The following PRICKLE3 variants were observed in gnomAD, a reference collection of about 807,000 sequenced individuals.
PRICKLE3 encodes the protein prickle planar cell polarity protein 3.
In PRICKLE3, 17 loss-of-function variants were observed where a neutral mutation model predicts 33.8. That is an observed-to-expected ratio of 0.50 (90% CI 0.34 to 0.75). The LOEUF (loss-of-function observed/expected upper bound fraction) is 0.75. Among genes scored for constraint, PRICKLE3 ranks in the 30% least tolerant of loss-of-function variants. PRICKLE3 has a pLI of 0.01. For missense variants in PRICKLE3, 573 were observed against 576.7 expected, an observed-to-expected ratio of 0.99 and a Z score of 0.07; for synonymous variants, 211 against 219.6, an observed-to-expected ratio of 0.96 and a Z score of 0.34.
In PRICKLE3 at chrX:49,177,194, G is replaced by A. The variant is rs1557100264; in HGVS notation, c.964C>T (p.Gln322Ter). Residue 322 changes from glutamine (Q) to a stop codon, truncating the protein, a stop_gained, in exon 8 of 9, where the codon CAA becomes TAA. Transcript: ENST00000599218. LOFTEE classifies it high-confidence loss of function. ...DGCGEHIGLD[Q>*]GQMAYEGQHW... is the part of the protein sequence containing the mutation. ...TGGCCCTCGTAAGCCATCTGGCCTT[G>A]GTCCAGGCCTGTGGGGAACGACGAG... is the stretch of plus-strand genomic sequence containing the variant. 1.7e-6 allele frequency: 2 copies of A among 1,164,886 alleles called. No homozygotes were observed. The highest frequency in any genetic ancestry group is 2.3e-6 in the Non-Finnish European group (2 of 875,894).
chrX:49,176,158 C>G lies in PRICKLE3; in HGVS notation c.1363G>C (p.Gly455Arg), dbSNP rs782030265. 8.4e-7 allele frequency: 1 copy of G among 1,194,844 alleles called. No homozygotes were observed. The highest frequency in any genetic ancestry group is 2.2e-5 in the Admixed American group (1 of 44,733). The change falls in exon 9 of 9, where the codon GGC (glycine) becomes CGC (arginine). Residue 455 changes from glycine (G) to arginine (R), a missense_variant. Coordinates refer to ENST00000599218, the MANE Select transcript of PRICKLE3 (RefSeq NM_006150.5). ...SVPEPPPESP[G>R]QPNLRPDDSA... ...TCATCTGGGCGCAGGTTAGGCTGGC[C>G]GGGGGACTCTGGGGGCGGCTCGGGG...
intron 7 of PRICKLE3, 123 bp downstream of exon 7, chrX:49,177,870 G>T: frequency 1.2e-6 from 1 of 804,500 alleles, no homozygotes; most frequent in Non-Finnish European, 1.7e-6. Context: ...TAGTGTTGGG[G>T]CTGGACAAAG....
chrX:49,175,038 G>A lies in PRICKLE3; in HGVS notation c.*635C>T, dbSNP rs1218850543. 5.3e-6 allele frequency: 2 copies of A among 374,936 alleles called. No individual in the cohort carries two copies. The highest frequency in any genetic ancestry group is 9.3e-6 in the Non-Finnish European group (2 of 215,157). The allele number at this position is 374,936 out of a possible 1,213,427, so 30.9% of individuals were successfully genotyped here. On this transcript the variant is annotated 3_prime_UTR_variant, in exon 9 of 9. Coordinates refer to ENST00000599218, the MANE Select transcript of PRICKLE3 (RefSeq NM_006150.5). ...CCACTCCAAATAATCTCCTCGGTGT[G>A]GGTGGTGGTTCTATAGAGGGATAAA...
intron 2 of PRICKLE3, among the ~76,000 whole-genome samples, chrX:49,184,226 T>C (rs1466105519): frequency 4.5e-5 from 5 of 109,926 alleles, no homozygotes; most frequent in African/African-American, 1.7e-4. Flanking sequence ...GGGTAGGGCC[T>C]GAGTCTGGGG....
intron 3 of PRICKLE3, 88 bp downstream of exon 3, chrX:49,183,646 T>C: frequency 1.7e-6 from 2 of 1,163,662 alleles, no homozygotes; most frequent in Non-Finnish European, 2.3e-6. Flanking sequence ...GCCCCAGAAA[T>C]AGGTTCCCAC....
Position 49,175,681 on chromosome X carries a change from C to G in PRICKLE3, c.1840G>C (p.Val614Leu). ...PRQARDKNCI[V>L]A is the part of the protein sequence containing the mutation. ...TCCAGGACGGCCTGCCTTCAAGCCACGATGCAGTTCTTGTCTCGGGCCTGA... is the reference window on the plus strand; with the variant it reads ...TCCAGGACGGCCTGCCTTCAAGCCAGGATGCAGTTCTTGTCTCGGGCCTGA... Residue 614 changes from valine to leucine, a missense_variant, in exon 9 of 9, where the codon GTG becomes CTG. Coordinates refer to ENST00000599218, the MANE Select transcript of PRICKLE3 (RefSeq NM_006150.5). The G allele has an allele frequency of 8.3e-7, 1 of 1,208,452 alleles. No individual in the cohort carries two copies. The highest frequency in any genetic ancestry group is 1.1e-6 in the Non-Finnish European group (1 of 893,217).
Position 49,186,326 on chromosome X carries a change from C to A in PRICKLE3, c.-29G>T. On this transcript the variant is annotated 5_prime_UTR_variant, in exon 1 of 9. Transcript: ENST00000599218. Reference sequence around the variant, plus strand: ...GCGCCCGGGCAGGGTCAAGCCGGGCCGGGTCAGGCGAATGTAATCCTTGCG... The same window carrying A: ...GCGCCCGGGCAGGGTCAAGCCGGGCAGGGTCAGGCGAATGTAATCCTTGCG... The A allele has an allele frequency of 9.0e-7, 1 of 1,112,442 alleles. No homozygotes were observed. The highest frequency in any genetic ancestry group is 3.6e-5 in the East Asian group (1 of 28,003). The allele number at this position is 1,112,442 out of a possible 1,213,427, so 91.7% of individuals were successfully genotyped here. A position where few individuals can be genotyped will look rare whatever the true frequency, so the allele number is the denominator to read the frequency against.
chrX:49,183,975 C>T, intron 2 of PRICKLE3, 58 bp from the exon 3 acceptor site: 2 of 1,151,659 alleles, frequency 1.7e-6, no homozygotes, highest in Non-Finnish European at 2.3e-6. Context: ...AACCCCTCGG[C>T]AGCCCAGGTC....
Position 49,175,983 on chromosome X carries a change from T to C in PRICKLE3, c.1538A>G (p.His513Arg), listed in dbSNP as rs1230486950. 4 of 1,208,097 alleles carry C rather than the reference T, an allele frequency of 3.3e-6. No homozygotes were observed. The highest frequency in any genetic ancestry group is 3.4e-6 in the Non-Finnish European group (3 of 894,738). Reference protein sequence around the residue: ...PPPRAPSRRRHHHHNHHHHHN... With the variant: ...PPPRAPSRRRRHHHNHHHHHN... ...ATGGTGATGGTGATTATGATGATGGTGGCGGCGACGGCTGGGGGCCCTGGG... is the reference window on the plus strand; with the variant it reads ...ATGGTGATGGTGATTATGATGATGGCGGCGGCGACGGCTGGGGGCCCTGGG... The change falls in exon 9 of 9, where the codon CAC becomes CGC. Residue 513 changes from histidine (H) to arginine (R), a missense_variant. His to Arg is a conservative substitution (Grantham distance 29). Coordinates refer to ENST00000599218, the MANE Select transcript of PRICKLE3 (RefSeq NM_006150.5).
At position 49,175,881 on chromosome X, in the gene PRICKLE3, C is replaced by A; in HGVS notation, c.1640G>T (p.Ser547Ile). The part of the protein sequence containing the change: ...GSGSDSESCS[S>I]SPSSSSSESS... ...TTCGGAACTGGAACTGGAGGGCGAG[C>A]TGGAGCAAGATTCCGAGTCTGACCC... is the stretch of plus-strand genomic sequence containing the variant. The change falls in exon 9 of 9, where the codon AGC (serine) becomes ATC (isoleucine). Residue 547 changes from serine (S) to isoleucine (I), a missense_variant. Physicochemically the swap from Ser to Ile is moderately radical, Grantham distance 142. Transcript: ENST00000599218. The A allele has an allele frequency of 8.3e-7, 1 of 1,211,967 alleles. No homozygotes were observed. Among genetic ancestry groups the A allele is most frequent in the Non-Finnish European group, 1.1e-6 (1 of 895,560 alleles).
intron 5 of PRICKLE3, among the ~76,000 whole-genome samples, chrX:49,178,713 G>A (rs1268662243): frequency 8.9e-6 from 1 of 112,502 alleles, no homozygotes; most frequent in Non-Finnish European, 1.9e-5. Flanking sequence ...TACCCATGGT[G>A]GGTGGCCTTA....
At chrX:49,185,008 C>T in intron 1 of PRICKLE3, 1 of 672,669 alleles carries the variant, frequency 1.5e-6, no homozygotes, top group Non-Finnish European at 2.1e-6. Flanking sequence ...CTCCCACCAG[C>T]CTTAGATCCT....
rs1557099859 is a variant in PRICKLE3, at chrX:49,175,918, C to G, written c.1603G>C (p.Asp535His). Residue 535 changes from aspartate to histidine, a missense_variant, in exon 9 of 9, where the codon GAC (aspartate) becomes CAC (histidine). By Grantham distance (81) the Asp-to-His change is moderately conservative (BLOSUM62 -1). Transcript: ENST00000599218. ...TCCGAGTCTGACCCTGATCCCGCGT[C>G]ACATTGATAGTGGCGACGTCTGCTT... is the stretch of plus-strand genomic sequence containing the variant. The part of the protein sequence containing the change: ...HPSRRRHYQC[D>H]AGSGSDSESC... 1 of 1,211,288 alleles carries G rather than the reference C, an allele frequency of 8.3e-7. No homozygotes were observed. The highest frequency in any genetic ancestry group is 2.2e-5 in the Admixed American group (1 of 45,993).
intron 5 of PRICKLE3, 28 bp from the exon 6 acceptor site, chrX:49,178,503 T>C: frequency 8.5e-7 from 1 of 1,181,493 alleles, no homozygotes; most frequent in Non-Finnish European, 1.1e-6. Context: ...CCAAGATGGT[T>C]ACCATCACTG....
In PRICKLE3 at chrX:49,175,699, G is replaced by C. The variant is rs373534219; in HGVS notation, c.1822C>G (p.Arg608Gly). The C allele has an allele frequency of 5.4e-5, 65 of 1,209,476 alleles. No homozygotes were observed. Among genetic ancestry groups the C allele is most frequent in the African/African-American group, 5.2e-4 (30 of 57,215 alleles). Residue 608 changes from arginine to glycine, a missense_variant, in exon 9 of 9, where the codon CGA becomes GGA. Physicochemically the swap from Arg to Gly is moderately radical, Grantham distance 125. Coordinates refer to ENST00000599218, the MANE Select transcript of PRICKLE3 (RefSeq NM_006150.5). The part of the protein sequence containing the change: ...DSRAGMPRQA[R>G]DKNCIVA Reference sequence around the variant, plus strand: ...CAAGCCACGATGCAGTTCTTGTCTCGGGCCTGACGAGGCATCCCTGCGCGA... The same window carrying C: ...CAAGCCACGATGCAGTTCTTGTCTCCGGCCTGACGAGGCATCCCTGCGCGA...
intron 3 of PRICKLE3, among the ~76,000 whole-genome samples, chrX:49,180,484 T>C (rs1311608252): frequency 9.0e-6 from 1 of 111,362 alleles, no homozygotes; most frequent in Non-Finnish European, 1.9e-5. Context: ...GTCAAGGTCA[T>C]CCATGACTTC....
chrX:49,184,881 A>G (rs781896615), intron 1 of PRICKLE3, 171 bp from the exon 2 acceptor site: 2 of 1,142,484 alleles, frequency 1.8e-6, no homozygotes, highest in South Asian at 4.0e-5. Context: ...AGCGGGACAC[A>G]ACCGAGGCAG....
chrX:49,179,115 C>T, intron 5 of PRICKLE3, 136 bp downstream of exon 5: 2 of 872,299 alleles, frequency 2.3e-6, no homozygotes, highest in South Asian at 5.4e-5. Context: ...ACCCCGCCCA[C>T]AAGAGGGGAC....
Position 49,175,961 on chromosome X carries a change from G to T in PRICKLE3, c.1560C>A (p.His520Gln). Reference protein sequence around the residue: ...RRRHHHHNHHHHHNRHPSRRR... With the variant: ...RRRHHHHNHHQHHNRHPSRRR... The stretch of plus-strand genomic sequence containing the variant: ...GTCTGCTTGGGTGGCGGTTGTGATG[G>T]TGATGGTGATTATGATGATGGTGGC... Residue 520 changes from histidine to glutamine, a missense_variant, in exon 9 of 9, where the codon CAC becomes CAA. His to Gln is a conservative substitution (Grantham distance 24, BLOSUM62 0). Transcript: ENST00000599218. 8.3e-7 allele frequency: 1 copy of T among 1,211,480 alleles called. No individual in the cohort carries two copies. Among genetic ancestry groups the T allele is most frequent in the Non-Finnish European group, 1.1e-6 (1 of 895,508 alleles).
Sources: allele counts gnomAD v4.1 joint callset (sites outside exome capture counted in the v4.1 genomes callset), GRCh38; gene constraint gnomAD v4.1.1; transcripts MANE v1.5; gene names NCBI Gene and HGNC (gene_info 2026-07-23, HGNC 2026-07-21).